The following DENND4A variants were observed in gnomAD, a reference collection of about 807,000 sequenced individuals.
The protein encoded by DENND4A is C-myc promoter-binding protein.
In DENND4A, 70 loss-of-function variants were observed where a neutral mutation model predicts 199.3. The observed-to-expected ratio is 0.35, with a 90% CI of 0.29 to 0.43. DENND4A has a LOEUF of 0.43. Among genes scored for constraint, DENND4A ranks in the 20% least tolerant of loss-of-function variants. The pLI, the probability that DENND4A is intolerant of heterozygous loss-of-function variation, is 1.00. For missense variants in DENND4A, 1,723 were observed against 2,255.8 expected, an observed-to-expected ratio of 0.76 and a Z score of 4.78; for synonymous variants, 686 against 766.9, an observed-to-expected ratio of 0.89 and a Z score of 1.74.
chr15:65,791,511 C>T (rs2077722271), intron 1 of DENND4A, among the ~76,000 whole-genome samples: 1 of 150,972 alleles, frequency 6.6e-6, no homozygotes, highest in Non-Finnish European at 1.5e-5. Context: ...ACGCTGGCCG[C>T]GCTCACGCAG....
rs776905422 is a variant in DENND4A, at chr15:65,691,064, G to C, written c.3530C>G (p.Ser1177Ter). 2 of 1,612,960 alleles carry C rather than the reference G, an allele frequency of 1.2e-6. No individual in the cohort carries two copies. Among genetic ancestry groups the C allele is most frequent in the Non-Finnish European group, 1.7e-6 (2 of 1,179,464 alleles). Residue 1177 changes from serine (S) to a stop codon, truncating the protein, a stop_gained, in exon 23 of 33, where the codon TCA becomes TGA. Transcript: ENST00000443035. LOFTEE classifies it high-confidence loss of function. ...LEDLDSETDV[S>*]KAGCVATQNP... ...TTGTGTAGCAACACATCCTGCTTTT[G>C]ATACATCTGTTTCACTGTCTAAGTC...
chr15:65,677,900 G>T (rs1238832355), intron 23 of DENND4A, among the ~76,000 whole-genome samples: 1 of 140,384 alleles, frequency 7.1e-6, no homozygotes, highest in Non-Finnish European at 1.6e-5. Flanking sequence ...TGTTAGTTTT[G>T]GTATTTTAGA....
At chr15:65,758,155 G>A (rs554597826) in intron 2 of DENND4A, among the ~76,000 whole-genome samples, 6 of 152,096 alleles carry the variant, frequency 3.9e-5, no homozygotes, top group Non-Finnish European at 8.8e-5. Flanking sequence ...TTAAGTCTCA[G>A]CAGATATATC....
intron 23 of DENND4A, among the ~76,000 whole-genome samples, chr15:65,687,590 G>C (rs577172013): frequency 6.6e-6 from 1 of 152,038 alleles, no homozygotes. Flanking sequence ...ATCTGAAAAT[G>C]TCTTTATTTC....
At chr15:65,679,541 A>AT (rs548621135) in intron 23 of DENND4A, among the ~76,000 whole-genome samples, 2 of 151,780 alleles carry the variant, frequency 1.3e-5, no homozygotes, top group South Asian at 2.1e-4. Flanking sequence ...TATTAAAAAC[A>AT]TTTTTTTGAG....
chr15:65,722,673 C>G (rs1470414419), intron 12 of DENND4A, among the ~76,000 whole-genome samples, 175 bp downstream of exon 12: 2 of 151,476 alleles, frequency 1.3e-5, no homozygotes, highest in East Asian at 3.9e-4. Context: ...AAAAAATACA[C>G]ATTTTATAAA....
chr15:65,789,639 AT>A (rs1317947455), intron 1 of DENND4A, among the ~76,000 whole-genome samples: 1 of 152,148 alleles, frequency 6.6e-6, no homozygotes, highest in Non-Finnish European at 1.5e-5. Flanking sequence ...TAACAAGTCA[AT>A]TTTCCTGCTA....
intron 23 of DENND4A, among the ~76,000 whole-genome samples, chr15:65,683,979 T>C (rs1342775703): frequency 6.6e-6 from 1 of 152,220 alleles, no homozygotes; most frequent in East Asian, 1.9e-4. Context: ...TCATACAATA[T>C]TTGGTCTTTT....
chr15:65,661,979 C>A lies in DENND4A; in HGVS notation c.5596G>T (p.Asp1866Tyr). Residue 1866 changes from aspartate to tyrosine, a missense_variant, in exon 33 of 33, where the codon GAT becomes TAT. By Grantham distance (160) the Asp-to-Tyr change is radical. This residue lies in a region of DENND4A where 164 missense variants were observed against 280.1 expected (regional missense o/e 0.59). Transcript: ENST00000443035. ...GRENIDIDAF[D>Y]KEYKMAYDRL... ...TCGTATGCCATCTTGTACTCTTTAT[C>A]AAAAGCATCTGCAGAAATTGATAAA... 6.2e-7 allele frequency: 1 copy of A among 1,606,758 alleles called. No individual in the cohort carries two copies. The highest frequency in any genetic ancestry group is 8.5e-7 in the Non-Finnish European group (1 of 1,176,918).
At chr15:65,700,962 T>C in intron 19 of DENND4A, 89 bp downstream of exon 19, 1 of 1,387,264 alleles carries the variant, frequency 7.2e-7, no homozygotes, top group Non-Finnish European at 9.8e-7. Context: ...AAACATTCAA[T>C]ATTTTAAAAC....
chr15:65,677,784 TG>T (rs1452095300), intron 23 of DENND4A, among the ~76,000 whole-genome samples: 1 of 152,244 alleles, frequency 6.6e-6, no homozygotes, highest in Non-Finnish European at 1.5e-5. Context: ...CAAACTTCTA[TG>T]TACATATACA....
chr15:65,756,570 C>T, intron 2 of DENND4A, 98 bp from the exon 3 acceptor site: 2 of 772,804 alleles, frequency 2.6e-6, no homozygotes, highest in Admixed American at 3.1e-5. Flanking sequence ...AAAAAGAGCA[C>T]TAGTTCCTTG....
chr15:65,690,656 G>A lies in DENND4A; in HGVS notation c.3938C>T (p.Thr1313Ile), dbSNP rs371824793. The A allele has an allele frequency of 3.7e-6, 6 of 1,613,554 alleles. No individual in the cohort carries two copies. In the African/African-American group the frequency reaches 8.0e-5, roughly 22 times the overall value. ...PVRLTKSKSY[T>I]KSEEKPRDRL... ...ATCCCTTGGTTTCTCCTCACTTTTT[G>A]TGTAACTTTTAGATTTGGTAAGTCT... The change falls in exon 23 of 33, where the codon ACA becomes ATA. Residue 1313 changes from threonine (T) to isoleucine (I), a missense_variant. Transcript: ENST00000443035.
At chr15:65,760,169 C>T (rs1448333006) in intron 2 of DENND4A, among the ~76,000 whole-genome samples, 1 of 152,130 alleles carries the variant, frequency 6.6e-6, no homozygotes, top group Non-Finnish European at 1.5e-5. Context: ...CTAAAACATC[C>T]TCCTTTTTCC....
rs891510025 is a variant in DENND4A, at chr15:65,734,159, G to A, written c.1041-1341C>T. ...AGAGGAAGGCATCTGTCTCCTGCCC[G>A]TCCCTGGGCAATGGAATGTCTCGGT... On this transcript the variant is annotated intron_variant, in intron 7 of 32. Coordinates refer to ENST00000443035, the MANE Select transcript of DENND4A (RefSeq NM_001320835.1). 3.9e-5 allele frequency among the ~76,000 whole-genome samples: 6 copies of A among 152,220 alleles called. No homozygotes were observed. The South Asian group carries it at 6.2e-4, about 16-fold the overall frequency.
intron 4 of DENND4A, among the ~76,000 whole-genome samples, chr15:65,742,962 C>G (rs1034892499): frequency 2.0e-5 from 3 of 152,032 alleles, no homozygotes; most frequent in Non-Finnish European, 4.4e-5. Flanking sequence ...AAACACATTC[C>G]TTACACAATC....
At chr15:65,755,456 C>T (rs1047053864) in intron 3 of DENND4A, among the ~76,000 whole-genome samples, 16 of 152,258 alleles carry the variant, frequency 1.1e-4, no homozygotes, top group African/African-American at 3.6e-4. Flanking sequence ...TTCTTTGATA[C>T]ACACAGTTAA....
At chr15:65,739,168 C>A (rs1015125874) in intron 5 of DENND4A, among the ~76,000 whole-genome samples, 1 of 152,164 alleles carries the variant, frequency 6.6e-6, no homozygotes, top group Non-Finnish European at 1.5e-5. Context: ...CCTAAAAATT[C>A]AGCTTGTGGT....
At chr15:65,788,589 G>A (rs1005476460) in intron 1 of DENND4A, among the ~76,000 whole-genome samples, 17 of 151,884 alleles carry the variant, frequency 1.1e-4, no homozygotes, top group South Asian at 8.3e-4. Flanking sequence ...AGTAATAACC[G>A]GCCAGGTGCA....
Sources: allele counts gnomAD v4.1 joint callset (sites outside exome capture counted in the v4.1 genomes callset), GRCh38; gene constraint gnomAD v4.1.1; regional missense constraint gnomAD v4.1.1; transcripts MANE v1.5; gene names NCBI Gene and HGNC (gene_info 2026-07-23, HGNC 2026-07-21).